Variants in PCDHA4 observed in about 807,000 individuals in gnomAD.
PCDHA4 encodes protocadherin alpha-4.
PCDHA4 carries 49 observed loss-of-function variants against 61.4 expected under a neutral mutation model. The ratio of observed to expected loss-of-function variants is 0.80; its 90% confidence interval spans 0.63 to 1.01. The LOEUF (loss-of-function observed/expected upper bound fraction) is 1.01, where lower values mean the gene tolerates loss of function less well. Among genes scored for constraint, PCDHA4 ranks in the 50% least tolerant of loss-of-function variants. PCDHA4 has a pLI of 0.00. For missense variants in PCDHA4, 1,254 were observed against 1,235.8 expected, an observed-to-expected ratio of 1.01 and a Z score of -0.22; for synonymous variants, 590 against 550.3, an observed-to-expected ratio of 1.07 and a Z score of -1.01.
chr5:140,871,094 T>A, intron 1 of PCDHA4: 3 of 1,613,260 alleles, frequency 1.9e-6, no homozygotes, highest in Non-Finnish European at 2.5e-6. Context: ...ACGGCCACCG[T>A]GCTGGTGTCG....
chr5:140,999,712 C>T (rs1411166924), intron 3 of PCDHA4, among the ~76,000 whole-genome samples: 9 of 152,204 alleles, frequency 5.9e-5, no homozygotes, highest in African/African-American at 9.6e-5. Flanking sequence ...TAGCTAACTA[C>T]GGAGACCAGC....
Position 140,924,886 on chromosome 5 carries a change from A to C in PCDHA4, c.2386-54063A>C, listed in dbSNP as rs190850675. ...CTCCAGCCTGGGTGACAGAGCAAGAACCTGTCTCAAAAAAAAAAATAAAAT... is the reference window on the plus strand; with the variant it reads ...CTCCAGCCTGGGTGACAGAGCAAGACCCTGTCTCAAAAAAAAAAATAAAAT... On this transcript the variant is annotated intron_variant, in intron 1 of 3. Transcript: ENST00000530339. Among the ~76,000 whole-genome samples, 1,191 of 137,252 alleles carry C rather than the reference A, an allele frequency of 8.7e-3. 7 individuals carry two copies. Among genetic ancestry groups the C allele is most frequent in the African/African-American group, 0.022 (767 of 35,510 alleles). The allele number at this position is 137,252 out of a possible 152,430, so 90.0% of individuals were successfully genotyped here.
chr5:140,926,981 C>T (rs1420415867), intron 1 of PCDHA4: 3 of 1,610,216 alleles, frequency 1.9e-6, no homozygotes, highest in Admixed American at 1.7e-5. Context: ...CCGGAGGAGA[C>T]GGAGCGGGGC....
In PCDHA4 at chr5:140,848,635, G is replaced by A; in HGVS notation, c.2385+39063G>A. 2.5e-6 allele frequency: 4 copies of A among 1,593,292 alleles called. 1 individual carries two copies. Among genetic ancestry groups the A allele is most frequent in the Admixed American group, 1.7e-5 (1 of 59,228 alleles). On this transcript the variant is annotated intron_variant, in intron 1 of 3. Transcript: ENST00000530339. ...GCCGAACACGGCACCTTCGTGGGCC[G>A]CATCGCGCAGGACCTGGGGCTGGAG...
chr5:140,871,344 G>A (rs533115257), intron 1 of PCDHA4: 1 of 1,614,200 alleles, frequency 6.2e-7, no homozygotes, highest in African/African-American at 1.3e-5. Flanking sequence ...TGGGGAGCTG[G>A]TCATACTCGC....
chr5:140,876,477 G>A, intron 1 of PCDHA4: 1 of 1,614,034 alleles, frequency 6.2e-7, no homozygotes, highest in Non-Finnish European at 8.5e-7. Flanking sequence ...GTCACAGCAT[G>A]GTCCTGGTGG....
chr5:140,926,891 G>A, intron 1 of PCDHA4: 9 of 1,545,914 alleles, frequency 5.8e-6, no homozygotes, highest in Non-Finnish European at 7.9e-6. Context: ...CCTAGAGGGA[G>A]GATGGTGGGC....
At chr5:140,862,775 A>C (rs1480702653) in intron 1 of PCDHA4, 4 of 576,960 alleles carry the variant, frequency 6.9e-6, no homozygotes, top group Non-Finnish European at 1.3e-5. Flanking sequence ...TACGCGTTGC[A>C]GCCACTGGAC....
At position 140,969,448 on chromosome 5, in the gene PCDHA4, G is replaced by A. The variant is rs781843317; in HGVS notation, c.2386-9501G>A. 468 of 1,537,938 alleles carry A rather than the reference G, an allele frequency of 3.0e-4. 1 individual carries two copies. Among genetic ancestry groups the A allele is most frequent in the Non-Finnish European group, 4.0e-4 (459 of 1,139,778 alleles). On this transcript the variant is annotated intron_variant, in intron 1 of 3. Coordinates refer to ENST00000530339, the MANE Select transcript of PCDHA4 (RefSeq NM_018907.4). ...AGTGACAAGAGTTATCTGGTAAACT[G>A]AGTATATATAGTATCCACAATTTGA...
chr5:141,007,277 C>T (rs2098312243), intron 3 of PCDHA4, among the ~76,000 whole-genome samples: 1 of 151,304 alleles, frequency 6.6e-6, no homozygotes, highest in Non-Finnish European at 1.5e-5. Context: ...AGGCTGGGTG[C>T]AGTGGGCTCA....
intron 1 of PCDHA4, among the ~76,000 whole-genome samples, chr5:140,911,641 C>A (rs1403591383): frequency 6.6e-6 from 1 of 152,174 alleles, no homozygotes; most frequent in East Asian, 1.9e-4. Flanking sequence ...AAAGGTATTA[C>A]ATATAGAGTT....
intron 1 of PCDHA4, chr5:140,816,711 T>C (rs2126674379): frequency 6.6e-6 from 1 of 152,182 alleles, no homozygotes; most frequent in African/African-American, 2.4e-5. Context: ...GGCTAGAGAT[T>C]CTAGGGACCT....
At chr5:140,983,062 G>A (rs575564004) in intron 3 of PCDHA4, among the ~76,000 whole-genome samples, 2 of 152,168 alleles carry the variant, frequency 1.3e-5, no homozygotes, top group South Asian at 4.2e-4. Context: ...TCGGAACCAA[G>A]GCATTGTTTT....
intron 1 of PCDHA4, among the ~76,000 whole-genome samples, chr5:140,957,345 A>G (rs1375707193): frequency 6.6e-6 from 1 of 152,170 alleles, no homozygotes; most frequent in Admixed American, 6.5e-5. Flanking sequence ...ATTTTGAGAG[A>G]GAGACCACAT....
intron 1 of PCDHA4, among the ~76,000 whole-genome samples, chr5:140,953,372 A>G (rs1472097697): frequency 6.6e-6 from 1 of 151,982 alleles, no homozygotes; most frequent in Non-Finnish European, 1.5e-5. Flanking sequence ...AGGATTCTCT[A>G]CCCCTCTCAG....
intron 1 of PCDHA4, chr5:140,869,167 G>T (rs782094054): frequency 1.2e-6 from 2 of 1,613,864 alleles, no homozygotes; most frequent in East Asian, 4.5e-5. Flanking sequence ...TCTCCTCCTC[G>T]AATTCTGGGA....
intron 1 of PCDHA4, among the ~76,000 whole-genome samples, chr5:140,939,663 C>T (rs1282923741): frequency 6.6e-6 from 1 of 152,116 alleles, no homozygotes; most frequent in Non-Finnish European, 1.5e-5. Context: ...ACAGGAATAA[C>T]CAACTTGTAT....
intron 1 of PCDHA4, chr5:140,824,260 A>G (rs2150133721): frequency 2.3e-6 from 3 of 1,322,828 alleles, no homozygotes; most frequent in South Asian, 2.6e-5. Context: ...TTATTGCACT[A>G]ATTCATGTAT....
At chr5:140,914,807 A>G (rs929659841) in intron 1 of PCDHA4, among the ~76,000 whole-genome samples, 2 of 152,330 alleles carry the variant, frequency 1.3e-5, no homozygotes, top group Middle Eastern at 3.4e-3. Context: ...ACTGATGGCA[A>G]CTTAACAGAC....
Sources: allele counts gnomAD v4.1 joint callset (sites outside exome capture counted in the v4.1 genomes callset), GRCh38; gene constraint gnomAD v4.1.1; transcripts MANE v1.5; gene names NCBI Gene and HGNC (gene_info 2026-07-23, HGNC 2026-07-21).